Variants in AOC2 observed in about 807,000 individuals in gnomAD.
AOC2 encodes amine oxidase [copper-containing] 2.
Under a neutral mutation model 53.8 loss-of-function variants are expected in AOC2, and 57 were observed. The observed-to-expected ratio is 1.06, with a 90% CI of 0.86 to 1.32. The LOEUF (loss-of-function observed/expected upper bound fraction) is 1.32, where lower values mean the gene tolerates loss of function less well. AOC2 is among the 40% of genes most tolerant of loss of function. The pLI is 0.00. For synonymous variants in AOC2, 404 were observed against 399.0 expected, an observed-to-expected ratio of 1.01 and a Z score of -0.15; for missense variants, 1,008 against 957.2, an observed-to-expected ratio of 1.05 and a Z score of -0.70.
rs781391570 is a variant in AOC2, at chr17:42,845,343, G to C, written c.717G>C (p.Leu239=). 1 of 1,614,206 alleles carries C rather than the reference G, an allele frequency of 6.2e-7. No individual in the cohort carries two copies. The highest frequency in any genetic ancestry group is 8.5e-7 in the Non-Finnish European group (1 of 1,180,026). ...GTCTTTTCCTTCACCCCGTGGGGCT[G>C]GAGCTACTACTGGACCACAGGGCCC... The part of the protein sequence containing the change: ...GVGLFLHPVG[L]ELLLDHRALD... Residue 239 remains leucine, a synonymous_variant, in exon 1 of 4, where the codon CTG becomes CTC. Transcript: ENST00000253799.
rs373647791 is a variant in AOC2, at chr17:42,847,855, A to C, written c.1589-1231A>C. ...GAGCACGGTGGTGCAATCTCAGTTC[A>C]CCGCAACCTCCACCTCCCAGGTTCA... On this transcript the variant is annotated intron_variant, in intron 1 of 3. Coordinates refer to ENST00000253799, the MANE Select transcript of AOC2 (RefSeq NM_009590.4). Among the ~76,000 whole-genome samples, 42 of 150,166 alleles carry C rather than the reference A, an allele frequency of 2.8e-4. No individual in the cohort carries two copies. In the East Asian group the frequency reaches 6.6e-3, roughly 24 times the overall value.
Position 42,845,849 on chromosome 17 carries a change from A to G in AOC2, c.1223A>G (p.His408Arg), listed in dbSNP as rs758333385. The part of the protein sequence containing the change: ...CPYQATMVDI[H>R]ILVGKGAVQL... ...TATCAAGCCACGATGGTGGACATCCATATATTAGTGGGCAAAGGGGCAGTC... is the reference window on the plus strand; with the variant it reads ...TATCAAGCCACGATGGTGGACATCCGTATATTAGTGGGCAAAGGGGCAGTC... The change falls in exon 1 of 4, where the codon CAT becomes CGT. Residue 408 changes from histidine to arginine, a missense_variant. Transcript: ENST00000253799. The G allele has an allele frequency of 1.2e-5, 20 of 1,614,054 alleles. No individual in the cohort carries two copies. Among genetic ancestry groups the G allele is most frequent in the African/African-American group, 4.0e-5 (3 of 74,906 alleles).
In AOC2 at chr17:42,850,701, A is replaced by G. The variant is rs1277507501; in HGVS notation, c.*353A>G. On this transcript the variant is annotated 3_prime_UTR_variant, in exon 4 of 4. Coordinates refer to ENST00000253799, the MANE Select transcript of AOC2 (RefSeq NM_009590.4). ...TATGTAATTTATAATAAAAAGTATT[A>G]GAGGAATTTTACTTGAATTTATTGT... is the stretch of plus-strand genomic sequence containing the variant. 2 of 185,790 alleles carry G rather than the reference A, an allele frequency of 1.1e-5. No homozygotes were observed. The highest frequency in any genetic ancestry group is 2.2e-5 in the Non-Finnish European group (2 of 90,590). The allele number at this position is 185,790 out of a possible 1,614,324, so 11.5% of individuals were successfully genotyped here. A position where few individuals can be genotyped will look rare whatever the true frequency, so the allele number is the denominator to read the frequency against.
chr17:42,845,395 C>G lies in AOC2; in HGVS notation c.769C>G (p.Gln257Glu), dbSNP rs1163181764. The G allele has an allele frequency of 1.4e-5, 23 of 1,614,228 alleles. No homozygotes were observed. The South Asian group carries it at 1.8e-4, about 12-fold the overall frequency. ...ALDPAHWTVQ[Q>E]VFYLGHYYAD... is the part of the protein sequence containing the mutation. ...GGACCCTGCCCACTGGACTGTCCAGCAGGTCTTCTACCTTGGGCACTACTA... is the reference window on the plus strand; with the variant it reads ...GGACCCTGCCCACTGGACTGTCCAGGAGGTCTTCTACCTTGGGCACTACTA... The change falls in exon 1 of 4, where the codon CAG (glutamine) becomes GAG (glutamate). Residue 257 changes from glutamine (Q) to glutamate (E), a missense_variant. Gln to Glu is a conservative substitution (Grantham distance 29). Transcript: ENST00000253799.
rs2055646723 is a variant in AOC2, at chr17:42,850,490, CT to C, written c.*145del. 2.0e-6 allele frequency: 2 copies of C among 978,880 alleles called. No individual in the cohort carries two copies. Among genetic ancestry groups the C allele is most frequent in the Non-Finnish European group, 2.9e-6 (2 of 688,592 alleles). The allele number at this position is 978,880 out of a possible 1,614,324, so 60.6% of individuals were successfully genotyped here. A position where few individuals can be genotyped will look rare whatever the true frequency, so the allele number is the denominator to read the frequency against. ...TCTCACACGAAACCCCCATCAGTCC[CT>C]TTGGTTAATTCTTACTTCCTGTTCA... On this transcript the variant is annotated 3_prime_UTR_variant, in exon 4 of 4. Transcript: ENST00000253799.
Position 42,844,590 on chromosome 17 carries a change from G to A in AOC2, c.-37G>A, listed in dbSNP as rs1220453623. On this transcript the variant is annotated 5_prime_UTR_variant, in exon 1 of 4. Transcript: ENST00000253799. ...TTGATGTCAGTAACTGGAAGGAGCA[G>A]CTGTTAGAATTCTGATTTCAGCTCT... 1 of 1,574,274 alleles carries A rather than the reference G, an allele frequency of 6.4e-7. No homozygotes were observed. The highest frequency in any genetic ancestry group is 1.3e-5 in the African/African-American group (1 of 74,302).
chr17:42,850,235 T>C lies in AOC2; in HGVS notation c.2158T>C (p.Tyr720His). 1 of 1,614,166 alleles carries C rather than the reference T, an allele frequency of 6.2e-7. No homozygotes were observed. Among genetic ancestry groups the C allele is most frequent in the Non-Finnish European group, 8.5e-7 (1 of 1,180,020 alleles). ...DPSIFSPGSV[Y>H]FEKGQDAGLC... is the part of the protein sequence containing the mutation. Reference sequence around the variant, plus strand: ...CTCCATCTTCTCCCCTGGCAGTGTCTACTTTGAGAAGGGCCAGGATGCTGG... The same window carrying C: ...CTCCATCTTCTCCCCTGGCAGTGTCCACTTTGAGAAGGGCCAGGATGCTGG... The change falls in exon 4 of 4, where the codon TAC becomes CAC. Residue 720 changes from tyrosine (Y) to histidine (H), a missense_variant. Tyr to His is a moderately conservative substitution (Grantham distance 83, BLOSUM62 2). Transcript: ENST00000253799.
chr17:42,845,618 T>C lies in AOC2; in HGVS notation c.992T>C (p.Phe331Ser). 6.2e-7 allele frequency: 1 copy of C among 1,614,172 alleles called. No individual in the cohort carries two copies. Residue 331 changes from phenylalanine (F) to serine (S), a missense_variant, in exon 1 of 4, where the codon TTT (phenylalanine) becomes TCT (serine). Coordinates refer to ENST00000253799, the MANE Select transcript of AOC2 (RefSeq NM_009590.4). ...GNLVVSSLWS[F>S]TFGHGVFSGL... Reference sequence around the variant, plus strand: ...CTGGTGGTATCCTCCCTCTGGTCATTTACCTTTGGCCATGGGGTGTTCAGC... The same window carrying C: ...CTGGTGGTATCCTCCCTCTGGTCATCTACCTTTGGCCATGGGGTGTTCAGC...
Position 42,844,874 on chromosome 17 carries a change from C to A in AOC2, c.248C>A (p.Ala83Asp). The A allele has an allele frequency of 6.2e-7, 1 of 1,612,496 alleles. No individual in the cohort carries two copies. Among genetic ancestry groups the A allele is most frequent in the Non-Finnish European group, 8.5e-7 (1 of 1,178,978 alleles). The change falls in exon 1 of 4, where the codon GCC becomes GAC. Residue 83 changes from alanine (A) to aspartate (D), a missense_variant. By Grantham distance (126) the Ala-to-Asp change is moderately radical. Transcript: ENST00000253799. ...QRLGPGLVDA[A>D]QAQPSDNCIF... Reference sequence around the variant, plus strand: ...CTGGGGCCAGGGCTGGTGGACGCAGCCCAGGCTCAGCCCTCGGACAACTGC... The same window carrying A: ...CTGGGGCCAGGGCTGGTGGACGCAGACCAGGCTCAGCCCTCGGACAACTGC...
At position 42,849,696 on chromosome 17, in the gene AOC2, C is replaced by A. The variant is rs141066496; in HGVS notation, c.1970C>A (p.Ala657Asp). The part of the protein sequence containing the change: ...NDIWTPTVTF[A>D]DFINNETLLG... ...ATCTGGACACCCACAGTTACCTTTG[C>A]TGACTTCATCAACAATGAAACCCTC... Residue 657 changes from alanine (A) to aspartate (D), a missense_variant, in exon 3 of 4, where the codon GCT (alanine) becomes GAT (aspartate). Transcript: ENST00000253799. 1.7e-3 allele frequency: 2,712 copies of A among 1,614,260 alleles called. 11 individuals carry two copies. The highest frequency in any genetic ancestry group is 1.7e-3 in the Non-Finnish European group (1,953 of 1,180,054).
chr17:42,849,010 A>C, intron 1 of AOC2, 76 bp from the exon 2 acceptor site: 2 of 1,442,922 alleles, frequency 1.4e-6, no homozygotes, highest in Non-Finnish European at 1.9e-6. Context: ...TGCAGTGGAC[A>C]TCATGGGGAA....
rs751220918 is a variant in AOC2, at chr17:42,849,268, A to C, written c.1771A>C (p.Asn591His). The change falls in exon 2 of 4, where the codon AAT (asparagine) becomes CAT (histidine). Residue 591 changes from asparagine (N) to histidine (H), a missense_variant. Transcript: ENST00000253799. The stretch of plus-strand genomic sequence containing the variant: ...CCTCTACCTGGCTAGCAACCAGACT[A>C]ATGCGTGGGGTCACCAGCGCGGGTA... ...RYLYLASNQT[N>H]AWGHQRGYRI... The C allele has an allele frequency of 9.3e-6, 15 of 1,614,022 alleles. No homozygotes were observed. Among genetic ancestry groups the C allele is most frequent in the Non-Finnish European group, 1.1e-5 (13 of 1,180,020 alleles).
intron 1 of AOC2, among the ~76,000 whole-genome samples, chr17:42,847,710 C>T (rs568180682): frequency 2.0e-5 from 3 of 152,106 alleles, no homozygotes; most frequent in Admixed American, 6.5e-5. Context: ...CCCTGACCTC[C>T]TGGGCTCAAG....
rs71228780 is a variant in AOC2 at position 42,848,524 on chromosome 17, AAT to A, written c.1589-542_1589-541del. Among the ~76,000 whole-genome samples, 284 of 131,122 alleles carry A rather than the reference AAT, an allele frequency of 2.2e-3. 5 individuals carry two copies. In the South Asian group the frequency reaches 0.026, roughly 12 times the overall value. 86.0% of individuals were successfully genotyped at this position (131,122 alleles called of 152,430 possible). ...TGTGGCTAGTGTGACAGAGGAACTG[AAT>A]ATATATATATATATATATACATATA... On this transcript the variant is annotated intron_variant, in intron 1 of 3. Transcript: ENST00000253799.
chr17:42,849,888 G>A (rs1358815021), intron 3 of AOC2, among the ~76,000 whole-genome samples, 158 bp downstream of exon 3: 1 of 152,160 alleles, frequency 6.6e-6, no homozygotes, highest in African/African-American at 2.4e-5. Flanking sequence ...TCCCTCCTGG[G>A]GTGAGATTAG....
In AOC2 at chr17:42,846,036, CTT is replaced by C. The variant is rs1294267649; in HGVS notation, c.1412_1413del (p.Phe471CysfsTer9). On this transcript the variant is annotated frameshift_variant, in exon 1 of 4. Coordinates refer to ENST00000253799, the MANE Select transcript of AOC2 (RefSeq NM_009590.4). LOFTEE classifies it high-confidence loss of function. ...TGGGCAACTATGACTACATTTGGGACTTTGTGTTGTACCCAAATGGGGCACTT... is the reference window on the plus strand; with the variant it reads ...TGGGCAACTATGACTACATTTGGGACTGTGTTGTACCCAAATGGGGCACTT... ...SVGNYDYIWD[F>X]VLYPNGALEG... The C allele has an allele frequency of 6.2e-7, 1 of 1,612,428 alleles. No homozygotes were observed. The highest frequency in any genetic ancestry group is 2.2e-5 in the East Asian group (1 of 44,850).
Position 42,845,889 on chromosome 17 carries a change from G to A in AOC2, c.1263G>A (p.Gly421=). The part of the protein sequence containing the change: ...VGKGAVQLLP[G]AVCVFEEAQG... ...AAGGGGCAGTCCAGCTGCTTCCAGGGGCTGTGTGTGTATTTGAGGAAGCCC... is the reference window on the plus strand; with the variant it reads ...AAGGGGCAGTCCAGCTGCTTCCAGGAGCTGTGTGTGTATTTGAGGAAGCCC... The change falls in exon 1 of 4, where the codon GGG becomes GGA. Residue 421 remains glycine, a synonymous_variant. Coordinates refer to ENST00000253799, the MANE Select transcript of AOC2 (RefSeq NM_009590.4). The A allele has an allele frequency of 6.2e-7, 1 of 1,614,146 alleles. No homozygotes were observed. The highest frequency in any genetic ancestry group is 8.5e-7 in the Non-Finnish European group (1 of 1,180,020).
At position 42,845,769 on chromosome 17, in the gene AOC2, C is replaced by T; in HGVS notation, c.1143C>T (p.Ser381=). The T allele has an allele frequency of 6.2e-7, 1 of 1,614,162 alleles. No homozygotes were observed. The highest frequency in any genetic ancestry group is 8.5e-7 in the Non-Finnish European group (1 of 1,180,040). ...PKTMLTRYLD[S]SFGLGRNSRG... is the part of the protein sequence containing the mutation. ...CGATGCTGACTCGCTATTTGGATAG[C>T]AGCTTTGGACTCGGCCGTAACAGCC... Residue 381 remains serine (S), a synonymous_variant, in exon 1 of 4, where the codon AGC becomes AGT. Coordinates refer to ENST00000253799, the MANE Select transcript of AOC2 (RefSeq NM_009590.4).
At position 42,845,911 on chromosome 17, in the gene AOC2, G is replaced by A. The variant is rs1244982781; in HGVS notation, c.1285G>A (p.Ala429Thr). Residue 429 changes from alanine to threonine, a missense_variant, in exon 1 of 4, where the codon GCC becomes ACC. Ala to Thr is a moderately conservative substitution (Grantham distance 58). Coordinates refer to ENST00000253799, the MANE Select transcript of AOC2 (RefSeq NM_009590.4). ...LPGAVCVFEE[A>T]QGLPLRRHHN... ...AGGGGCTGTGTGTGTATTTGAGGAA[G>A]CCCAGGGACTGCCCCTTCGAAGGCA... is the stretch of plus-strand genomic sequence containing the variant. 6.2e-7 allele frequency: 1 copy of A among 1,614,174 alleles called. No homozygotes were observed. Among genetic ancestry groups the A allele is most frequent in the Admixed American group, 1.7e-5 (1 of 60,034 alleles).
Sources: allele counts gnomAD v4.1 joint callset (sites outside exome capture counted in the v4.1 genomes callset), GRCh38; gene constraint gnomAD v4.1.1; transcripts MANE v1.5; gene names NCBI Gene and HGNC (gene_info 2026-07-23, HGNC 2026-07-21).